The following LRPPRC variants were observed in gnomAD, a reference collection of about 807,000 sequenced individuals.
LRPPRC encodes leucine-rich PPR motif-containing protein, mitochondrial.
In LRPPRC, 120 loss-of-function variants were observed where a neutral mutation model predicts 180.3. That is an observed-to-expected ratio of 0.67 (90% CI 0.57 to 0.77). The LOEUF is 0.77. Ranked by LOEUF, LRPPRC falls within the 30% of genes least tolerant of loss-of-function variation. The pLI, the probability that LRPPRC is intolerant of heterozygous loss-of-function variation, is 0.00. For synonymous variants in LRPPRC, 723 were observed against 600.0 expected, an observed-to-expected ratio of 1.21 and a Z score of -3.00; for missense variants, 2,012 against 1,657.2, an observed-to-expected ratio of 1.21 and a Z score of -3.72.
intron 11 of LRPPRC, among the ~76,000 whole-genome samples, chr2:43,966,570 C>T (rs1026802147): frequency 4.0e-5 from 6 of 151,600 alleles, no homozygotes; most frequent in African/African-American, 1.2e-4. Flanking sequence ...GCCACCACGC[C>T]GAGTAATTTT....
intron 37 of LRPPRC, among the ~76,000 whole-genome samples, 180 bp downstream of exon 37, chr2:43,889,554 A>T (rs1670405858): frequency 6.6e-6 from 1 of 151,996 alleles, no homozygotes; most frequent in African/African-American, 2.4e-5. Context: ...CCAGAGAGCT[A>T]TGTTCTCCGA....
intron 25 of LRPPRC, among the ~76,000 whole-genome samples, chr2:43,929,860 G>GTGTT (rs1672021903): frequency 1.3e-5 from 2 of 152,016 alleles, no homozygotes; most frequent in African/African-American, 4.8e-5. Flanking sequence ...ACTTGACCAG[G>GTGTT]TGTTATAGGA....
Position 43,912,557 on chromosome 2 carries a change from C to T in LRPPRC, c.3150G>A (p.Gly1050=), listed in dbSNP as rs2105013385. ...LIACRLNQKK[G]AYDIFLNAKE... is the part of the protein sequence containing the mutation. Reference sequence around the variant, plus strand: ...TTGCATTCAGGAAAATATCATATGCCCCTATGAGAGAAAACAGACAAAAAA... The same window carrying T: ...TTGCATTCAGGAAAATATCATATGCTCCTATGAGAGAAAACAGACAAAAAA... The change falls in exon 30 of 38, where the codon GGG becomes GGA. Residue 1050 remains glycine (G), a splice_region_variant and synonymous_variant. Coordinates refer to ENST00000260665, the MANE Select transcript of LRPPRC (RefSeq NM_133259.4). 1 of 1,608,500 alleles carries T rather than the reference C, an allele frequency of 6.2e-7. No individual in the cohort carries two copies. The highest frequency in any genetic ancestry group is 8.5e-7 in the Non-Finnish European group (1 of 1,175,494).
Position 43,896,681 on chromosome 2 carries a change from G to C in LRPPRC, c.3853C>G (p.Pro1285Ala). The C allele has an allele frequency of 6.2e-7, 1 of 1,612,458 alleles. No individual in the cohort carries two copies. The highest frequency in any genetic ancestry group is 8.5e-7 in the Non-Finnish European group (1 of 1,178,640). ...QRCGAIAEQT[P>A]ILLLFLLRNS... is the part of the protein sequence containing the mutation. ...CTAAGGAGGAACAACAACAAAATCG[G>C]GGTTTGTTCAGCAATTGCACCACAT... is the stretch of plus-strand genomic sequence containing the variant. Residue 1285 changes from proline (P) to alanine (A), a missense_variant, in exon 35 of 38, where the codon CCG becomes GCG. Physicochemically the swap from Pro to Ala is conservative, Grantham distance 27. Coordinates refer to ENST00000260665, the MANE Select transcript of LRPPRC (RefSeq NM_133259.4).
chr2:43,943,275 T>A (rs1229962005), intron 23 of LRPPRC, among the ~76,000 whole-genome samples: 1 of 152,036 alleles, frequency 6.6e-6, no homozygotes, highest in Non-Finnish European at 1.5e-5. Context: ...ACTGTAATGG[T>A]ATATGTATTT....
intron 27 of LRPPRC, among the ~76,000 whole-genome samples, chr2:43,920,269 G>C (rs1671652669): frequency 2.0e-5 from 3 of 152,028 alleles, no homozygotes; most frequent in Middle Eastern, 3.2e-3. Flanking sequence ...CCGAGTAGCT[G>C]AGATTACAGG....
intron 11 of LRPPRC, among the ~76,000 whole-genome samples, chr2:43,971,278 C>G (rs1274453257): frequency 6.6e-6 from 1 of 151,248 alleles, no homozygotes; most frequent in Admixed American, 6.6e-5. Context: ...AAAGTCAGGC[C>G]AACTGGCTAG....
At chr2:43,988,201 A>G (rs1185896442) in intron 1 of LRPPRC, among the ~76,000 whole-genome samples, 1 of 141,660 alleles carries the variant, frequency 7.1e-6, no homozygotes, top group Non-Finnish European at 1.5e-5. Context: ...AGATCGCCCC[A>G]CTGCACTCCA....
Position 43,991,340 on chromosome 2 carries a change from C to A in LRPPRC, c.149+4459G>T, listed in dbSNP as rs114573415. ...AACAATAGTACCCAGCCGGACCCAT[C>A]AGATTCTTAATATTTGCAGAAGATT... On this transcript the variant is annotated intron_variant, in intron 1 of 37. Transcript: ENST00000260665. Among the ~76,000 whole-genome samples, 901 of 152,232 alleles carry A rather than the reference C, an allele frequency of 5.9e-3. 10 individuals are homozygous for A. Among genetic ancestry groups the A allele is most frequent in the African/African-American group, 0.021 (857 of 41,524 alleles).
intron 23 of LRPPRC, among the ~76,000 whole-genome samples, chr2:43,943,014 A>T (rs1672540315): frequency 6.6e-6 from 1 of 152,120 alleles, no homozygotes; most frequent in African/African-American, 2.4e-5. Flanking sequence ...GACAAAGAAG[A>T]TCTAGGAAAT....
intron 1 of LRPPRC, among the ~76,000 whole-genome samples, chr2:43,993,205 A>T (rs760341893): frequency 1.3e-4 from 20 of 152,178 alleles, no homozygotes; most frequent in Admixed American, 7.8e-4. Context: ...AAGTTAAATA[A>T]ACATACATCT....
chr2:43,927,526 CTTACG>C (rs1281814983), intron 25 of LRPPRC, among the ~76,000 whole-genome samples: 1 of 152,142 alleles, frequency 6.6e-6, no homozygotes, highest in Non-Finnish European at 1.5e-5. Flanking sequence ...AAGGATTTTT[CTTACG>C]TTATTTGTTT....
chr2:43,917,813 T>C (rs1321509378), intron 29 of LRPPRC, among the ~76,000 whole-genome samples: 11 of 151,890 alleles, frequency 7.2e-5, no homozygotes, highest in Non-Finnish European at 1.3e-4. Flanking sequence ...AAAGAGTAAT[T>C]CCTTAATATT....
At chr2:43,913,263 A>G (rs2105014531) in intron 29 of LRPPRC, among the ~76,000 whole-genome samples, 1 of 152,298 alleles carries the variant, frequency 6.6e-6, no homozygotes, top group East Asian at 1.9e-4. Flanking sequence ...CTTTTCAGTC[A>G]CTTATACTTT....
intron 11 of LRPPRC, among the ~76,000 whole-genome samples, chr2:43,966,824 G>C (rs1673582264): frequency 6.6e-6 from 1 of 151,746 alleles, no homozygotes. Context: ...GCCAAGGCTG[G>C]TGGATCACCT....
Position 43,918,121 on chromosome 2 carries a change from C to T in LRPPRC, c.3052G>A (p.Asp1018Asn). 1 of 1,613,226 alleles carries T rather than the reference C, an allele frequency of 6.2e-7. No individual in the cohort carries two copies. The highest frequency in any genetic ancestry group is 8.5e-7 in the Non-Finnish European group (1 of 1,179,428). The change falls in exon 29 of 38, where the codon GAT becomes AAT. Residue 1018 changes from aspartate (D) to asparagine (N), a missense_variant. Coordinates refer to ENST00000260665, the MANE Select transcript of LRPPRC (RefSeq NM_133259.4). Reference protein sequence around the residue: ...PFDVPELWYEDEKHSLNSSSA... With the variant: ...PFDVPELWYENEKHSLNSSSA... ...GAAGAATTCAGGGAATGTTTTTCAT[C>T]TTCATACCACAACTTTAAAACAAAG...
At chr2:43,963,171 G>A (rs1001665161) in intron 12 of LRPPRC, among the ~76,000 whole-genome samples, 13 of 152,294 alleles carry the variant, frequency 8.5e-5, no homozygotes, top group East Asian at 1.9e-4. Flanking sequence ...AGGGCCAGGC[G>A]CGGTGGCTGA....
At chr2:43,984,943 G>A (rs932872556) in intron 1 of LRPPRC, among the ~76,000 whole-genome samples, 18 of 150,628 alleles carry the variant, frequency 1.2e-4, no homozygotes, top group African/African-American at 4.4e-4. Context: ...ACCCATAAAT[G>A]TTTTCTTGTA....
chr2:43,988,685 C>G (rs1182294807), intron 1 of LRPPRC, among the ~76,000 whole-genome samples: 1 of 152,062 alleles, frequency 6.6e-6, no homozygotes, highest in African/African-American at 2.4e-5. Context: ...ACTACAGGCA[C>G]CCGCCACCAC....
Sources: gnomAD v4.1 joint callset for allele counts (sites outside exome capture counted in the v4.1 genomes callset) on GRCh38, gnomAD v4.1.1 for gene constraint, MANE v1.5 for transcripts, NCBI Gene and HGNC (gene_info 2026-07-23, HGNC 2026-07-21) for gene names.